PTPRZ1: variants seen among roughly 807,000 people sequenced by gnomAD.
PTPRZ1 encodes the protein protein tyrosine phosphatase receptor type Z1, also known as receptor-type tyrosine-protein phosphatase zeta.
PTPRZ1 carries 82 observed loss-of-function variants against 214.1 expected under a neutral mutation model. That is an observed-to-expected ratio of 0.38 (90% CI 0.32 to 0.46). The LOEUF (loss-of-function observed/expected upper bound fraction) is 0.46. PTPRZ1 is among the 20% of genes least tolerant of loss of function. The pLI, the probability that PTPRZ1 is intolerant of heterozygous loss-of-function variation, is 1.00. For synonymous variants in PTPRZ1, 945 were observed against 987.9 expected (o/e 0.96, Z 0.81); for missense variants, 2,603 against 2,748.7 (o/e 0.95, Z 1.19).
chr7:122,013,416 A>G lies in PTPRZ1; in HGVS notation c.4370A>G (p.Asn1457Ser), dbSNP rs1170402128. The change falls in exon 12 of 30, where the codon AAT (asparagine) becomes AGT (serine). Residue 1457 changes from asparagine to serine, a missense_variant. Asn to Ser is a conservative substitution (Grantham distance 46). Transcript: ENST00000393386. Reference protein sequence around the residue: ...SYRESQEKVMNDSDTHENSLM... With the variant: ...SYRESQEKVMSDSDTHENSLM... ...AGAGAATCACAGGAAAAGGTAATGA[A>G]TGATTCAGACACCCACGAAAACAGT... 1 of 1,614,112 alleles carries G rather than the reference A, an allele frequency of 6.2e-7. No homozygotes were observed. Among genetic ancestry groups the G allele is most frequent in the Admixed American group, 1.7e-5 (1 of 60,000 alleles).
intron 10 of PTPRZ1, among the ~76,000 whole-genome samples, chr7:122,002,007 T>C (rs1405161642): frequency 6.6e-6 from 1 of 152,160 alleles, no homozygotes; most frequent in African/African-American, 2.4e-5. Flanking sequence ...AGTTATTACT[T>C]GTGAGAAAGC....
At position 122,022,541 on chromosome 7, in the gene PTPRZ1, T is replaced by C. The variant is rs60940395; in HGVS notation, c.4988+3273T>C. Among the ~76,000 whole-genome samples, 864 of 152,340 alleles carry C rather than the reference T, an allele frequency of 5.7e-3. 14 individuals are homozygous for C. The highest frequency in any genetic ancestry group is 0.02 in the African/African-American group (824 of 41,588). On this transcript the variant is annotated intron_variant, in intron 13 of 29. Coordinates refer to ENST00000393386, the MANE Select transcript of PTPRZ1 (RefSeq NM_002851.3). The stretch of plus-strand genomic sequence containing the variant: ...GAGGAGAACCTGAGTTGTGTGTTTT[T>C]ATATATTCTAGATACAAGTCCCTTA...
intron 2 of PTPRZ1, among the ~76,000 whole-genome samples, chr7:121,966,535 A>C (rs901019515): frequency 2.0e-5 from 3 of 152,146 alleles, no homozygotes; most frequent in African/African-American, 7.2e-5. Context: ...AGAATCCAAA[A>C]TACACATCAC....
At chr7:121,879,228 A>G (rs1258567502) in intron 1 of PTPRZ1, among the ~76,000 whole-genome samples, 5 of 152,190 alleles carry the variant, frequency 3.3e-5, no homozygotes, top group African/African-American at 1.2e-4. Context: ...TTTTAATTCT[A>G]GAGGAGTTGG....
At chr7:121,998,633 A>G (rs1352473096) in intron 10 of PTPRZ1, among the ~76,000 whole-genome samples, 3 of 152,168 alleles carry the variant, frequency 2.0e-5, no homozygotes, top group Admixed American at 1.3e-4. Flanking sequence ...CTTAGAGCAT[A>G]TGCAATAACT....
chr7:121,908,392 T>C, intron 1 of PTPRZ1: 1 of 361,744 alleles, frequency 2.8e-6, no homozygotes, highest in Non-Finnish European at 5.3e-6. Flanking sequence ...ACATCATCTG[T>C]ATTTCTTAAT....
At chr7:121,877,544 A>G (rs1362930253) in intron 1 of PTPRZ1, among the ~76,000 whole-genome samples, 1 of 152,174 alleles carries the variant, frequency 6.6e-6, no homozygotes, top group African/African-American at 2.4e-5. Context: ...TGTGATCCAG[A>G]TACAGAATCG....
Position 122,010,455 on chromosome 7 carries a change from T to C in PTPRZ1, c.1409T>C (p.Ile470Thr). Residue 470 changes from isoleucine (I) to threonine (T), a missense_variant, in exon 12 of 30, where the codon ATA becomes ACA. Ile to Thr is a moderately conservative substitution (Grantham distance 89, BLOSUM62 -1). Transcript: ENST00000393386. ...TCTACCACAACACACTACAATCGCATAGGGACGAAATACAATGAAGCCAAG... is the reference window on the plus strand; with the variant it reads ...TCTACCACAACACACTACAATCGCACAGGGACGAAATACAATGAAGCCAAG... Reference protein sequence around the residue: ...QISTTTHYNRIGTKYNEAKTN... With the variant: ...QISTTTHYNRTGTKYNEAKTN... 1.2e-6 allele frequency: 2 copies of C among 1,613,978 alleles called. No homozygotes were observed. The highest frequency in any genetic ancestry group is 2.2e-5 in the East Asian group (1 of 44,874).
intron 9 of PTPRZ1, among the ~76,000 whole-genome samples, chr7:121,997,675 A>T (rs1798187269): frequency 1.3e-5 from 2 of 151,928 alleles, no homozygotes; most frequent in South Asian, 4.1e-4. Flanking sequence ...AGCAAAAAAA[A>T]AAAAAAAGCC....
At chr7:122,038,438 G>A (rs763632889) in intron 18 of PTPRZ1, among the ~76,000 whole-genome samples, 4 of 150,376 alleles carry the variant, frequency 2.7e-5, no homozygotes, top group African/African-American at 7.3e-5. Context: ...CAAGTAGACC[G>A]CAAATGGATT....
At chr7:121,928,686 G>T (rs570913977) in intron 2 of PTPRZ1, among the ~76,000 whole-genome samples, 1 of 152,274 alleles carries the variant, frequency 6.6e-6, no homozygotes, top group African/African-American at 2.4e-5. Context: ...TGGGATTCTT[G>T]CTCTCAGAAG....
chr7:122,047,997 G>A (rs1336425426), intron 23 of PTPRZ1, among the ~76,000 whole-genome samples: 1 of 151,966 alleles, frequency 6.6e-6, no homozygotes, highest in African/African-American at 2.4e-5. Context: ...TAGATGCAGA[G>A]GGAAAAGGGA....
In PTPRZ1 at chr7:122,048,490, A is replaced by G. The variant is rs538431680; in HGVS notation, c.6085-2938A>G. 7.9e-4 allele frequency among the ~76,000 whole-genome samples: 120 copies of G among 152,320 alleles called. 1 individual carries two copies. The highest frequency in any genetic ancestry group is 2.7e-3 in the African/African-American group (112 of 41,586). ...TATGTTCTAAAATAACTAAAAGCAT[A>G]TCATTGGATTGTTTGTAACACAAAG... On this transcript the variant is annotated intron_variant, in intron 23 of 29. Transcript: ENST00000393386.
chr7:121,996,626 G>A (rs1798146666), intron 9 of PTPRZ1, 60 bp downstream of exon 9: 1 of 1,294,062 alleles, frequency 7.7e-7, no homozygotes, highest in Non-Finnish European at 1.0e-6. Context: ...TCCAAGGTAA[G>A]AACTTACAAA....
Position 122,039,595 on chromosome 7 carries a change from C to A in PTPRZ1, c.5637+7C>A. On this transcript the variant is annotated splice_region_variant and intron_variant, in intron 20 of 29. Transcript: ENST00000393386. ...AAACACAAAAATAAAAAAGGTGAGT[C>A]AACAAAATGATGGGCATAATCAAGT... 1 of 1,612,420 alleles carries A rather than the reference C, an allele frequency of 6.2e-7. No individual in the cohort carries two copies. Among genetic ancestry groups the A allele is most frequent in the South Asian group, 1.1e-5 (1 of 90,870 alleles).
intron 1 of PTPRZ1, among the ~76,000 whole-genome samples, chr7:121,892,679 CATATATATATATATATAT>C (rs58030102): frequency 0.077 from 7,569 of 98,192 alleles, 564 homozygotes; most frequent in African/African-American, 0.17. Flanking sequence ...TCAAGCATCT[CATATATATATATATATAT>C]ATATATATAT....
chr7:122,004,487 C>T (rs1177466935), intron 10 of PTPRZ1, 127 bp from the exon 11 acceptor site: 2 of 577,680 alleles, frequency 3.5e-6, no homozygotes, highest in Non-Finnish European at 6.2e-6. Flanking sequence ...GTGAGAAAGT[C>T]TGTATTTTCA....
At position 121,891,451 on chromosome 7, in the gene PTPRZ1, C is replaced by CTTTTT. The variant is rs58135453; in HGVS notation, c.58+17920_58+17924dup. 2.1e-3 allele frequency among the ~76,000 whole-genome samples: 76 copies of CTTTTT among 35,750 alleles called. 4 individuals carry two copies. The highest frequency in any genetic ancestry group is 6.4e-3 in the African/African-American group (56 of 8,762). 23.5% of individuals were successfully genotyped at this position (35,750 alleles called of 152,430 possible). A position where few individuals can be genotyped will look rare whatever the true frequency, so the allele number is the denominator to read the frequency against. On this transcript the variant is annotated intron_variant, in intron 1 of 29. Transcript: ENST00000393386. ...AAATATTTGTTGAATAAAACAACCTCTTTTTTTTTTTTTTTTTTTTTTTTT... is the reference window on the plus strand; with the variant it reads ...AAATATTTGTTGAATAAAACAACCTCTTTTTTTTTTTTTTTTTTTTTTTTTTTTTT...
rs374730112 is a variant in PTPRZ1, at chr7:122,043,407, T to G, written c.5937+664T>G. ...TATACATAGTGGATGAATCAATTCA[T>G]TTTTTAAAAAAATATGAATTATGCT... is the stretch of plus-strand genomic sequence containing the variant. On this transcript the variant is annotated intron_variant, in intron 22 of 29. Transcript: ENST00000393386. 2.0e-5 allele frequency among the ~76,000 whole-genome samples: 3 copies of G among 152,180 alleles called. No homozygotes were observed. In the East Asian group the frequency reaches 5.8e-4, roughly 29 times the overall value.
Sources: gnomAD v4.1 joint callset for allele counts (sites outside exome capture counted in the v4.1 genomes callset) on GRCh38, gnomAD v4.1.1 for gene constraint, MANE v1.5 for transcripts, NCBI Gene and HGNC (gene_info 2026-07-23, HGNC 2026-07-21) for gene names.